Variants in ZNF385D observed in about 807,000 individuals in gnomAD.
The protein encoded by ZNF385D is zinc finger protein 659.
ZNF385D carries 15 observed loss-of-function variants against 35.8 expected under a neutral mutation model. The ratio of observed to expected loss-of-function variants is 0.42; its 90% CI spans 0.28 to 0.64. The LOEUF is 0.64. Among genes scored for constraint, ZNF385D ranks in the 30% least tolerant of loss-of-function variants. The pLI is 0.23. For missense variants in ZNF385D, 474 were observed against 494.6 expected (o/e 0.96, Z 0.39); for synonymous variants, 212 against 186.8 (o/e 1.13, Z -1.10).
chr3:22,152,856 T>C (rs1450493785), intron 3 of ZNF385D, among the ~76,000 whole-genome samples: 1 of 152,122 alleles, frequency 6.6e-6, no homozygotes, highest in African/African-American at 2.4e-5. Flanking sequence ...CTTCTACTTA[T>C]AAGGGTCCCT....
rs2065370431 is a variant in ZNF385D, at chr3:21,634,423, T to C, written c.165+30463A>G. On this transcript the variant is annotated intron_variant, in intron 2 of 7. Transcript: ENST00000281523. ...AGAAAGGGAAAGGGAACAATGGCTTTTCTTTTTCATAATAAAAATAAGCCA... is the reference window on the plus strand; with the variant it reads ...AGAAAGGGAAAGGGAACAATGGCTTCTCTTTTTCATAATAAAAATAAGCCA... 3.3e-5 allele frequency among the ~76,000 whole-genome samples: 5 copies of C among 151,986 alleles called. No individual in the cohort carries two copies. The South Asian group carries it at 8.3e-4, about 25-fold the overall frequency.
intron 2 of ZNF385D, among the ~76,000 whole-genome samples, chr3:22,288,513 T>G (rs1035078376): frequency 6.6e-6 from 1 of 152,104 alleles, no homozygotes; most frequent in Non-Finnish European, 1.5e-5. Flanking sequence ...GCTTAATCCA[T>G]CCTGCATTAG....
intron 3 of ZNF385D, among the ~76,000 whole-genome samples, chr3:22,117,053 A>G (rs550145734): frequency 1.3e-5 from 2 of 152,116 alleles, no homozygotes; most frequent in South Asian, 2.1e-4. Context: ...AGAGGCATGG[A>G]AAGAATTCAA....
chr3:21,679,153 G>A (rs1310710054), intron 1 of ZNF385D, among the ~76,000 whole-genome samples: 1 of 152,000 alleles, frequency 6.6e-6, no homozygotes, highest in Non-Finnish European at 1.5e-5. Flanking sequence ...GAAATTAACA[G>A]CTATTTCGGT....
rs1694893914 is a variant in ZNF385D at position 21,830,115 on chromosome 3, C to T, written c.326-165087G>A. ...TTCCAGCCTGGGTGACAGAGTGACA[C>T]TCTGTCAAAAAAAATAAAAGAGGCA... On this transcript the variant is annotated intron_variant, in intron 3 of 5. Transcript: ENST00000494108. 1.4e-5 allele frequency among the ~76,000 whole-genome samples: 2 copies of T among 139,480 alleles called. 1 individual carries two copies. The highest frequency in any genetic ancestry group is 3.2e-5 in the Non-Finnish European group (2 of 62,990). 91.5% of individuals were successfully genotyped at this position (139,480 alleles called of 152,430 possible). A position where few individuals can be genotyped will look rare whatever the true frequency, so the allele number is the denominator to read the frequency against.
rs192940592 is a variant in ZNF385D at position 21,876,400 on chromosome 3, C to T, written c.326-211372G>A. Among the ~76,000 whole-genome samples the T allele has an allele frequency of 4.4e-3, 658 of 150,580 alleles. 2 individuals are homozygous for T. The highest frequency in any genetic ancestry group is 7.2e-3 in the Non-Finnish European group (487 of 67,684). On this transcript the variant is annotated intron_variant, in intron 3 of 5. Coordinates refer to the ZNF385D transcript ENST00000494108. Reference sequence around the variant, plus strand: ...GGGATCACTAGAGAGCCACTGACTGCCTGTGAGTTTTATCTGTTAACACAA... The same window carrying T: ...GGGATCACTAGAGAGCCACTGACTGTCTGTGAGTTTTATCTGTTAACACAA...
At chr3:21,590,366 A>C (rs2063938205) in intron 2 of ZNF385D, among the ~76,000 whole-genome samples, 1 of 152,210 alleles carries the variant, frequency 6.6e-6, no homozygotes, top group Non-Finnish European at 1.5e-5. Context: ...TTATTTTAAA[A>C]GTGAAAGATA....
At chr3:21,872,233 G>A (rs182133762) in intron 3 of ZNF385D, among the ~76,000 whole-genome samples, 18 of 152,156 alleles carry the variant, frequency 1.2e-4, no homozygotes, top group Admixed American at 2.0e-4. Flanking sequence ...TATATGTGGC[G>A]ACAACTGCCT....
intron 3 of ZNF385D, among the ~76,000 whole-genome samples, chr3:22,015,254 G>A (rs1417893721): frequency 6.6e-6 from 1 of 152,100 alleles, no homozygotes; most frequent in Admixed American, 6.6e-5. Flanking sequence ...AATTTATAAT[G>A]CCTTAATTAG....
intron 4 of ZNF385D, among the ~76,000 whole-genome samples, chr3:21,445,458 C>A (rs3860573): frequency 0.27 from 41,738 of 152,088 alleles, 6,437 homozygotes; most frequent in East Asian, 0.42. Context: ...GGTAAATTGC[C>A]CTCTTTCTTT....
At chr3:21,824,578 A>T (rs574028949) in intron 3 of ZNF385D, among the ~76,000 whole-genome samples, 1 of 152,116 alleles carries the variant, frequency 6.6e-6, no homozygotes, top group Non-Finnish European at 1.5e-5. Context: ...AAAACTTCAT[A>T]TATCTAGTTT....
intron 3 of ZNF385D, among the ~76,000 whole-genome samples, chr3:22,071,079 T>G (rs1468660160): frequency 6.6e-6 from 1 of 152,158 alleles, no homozygotes; most frequent in African/African-American, 2.4e-5. Context: ...AAAGGTAACA[T>G]GATATTTATG....
chr3:21,570,635 G>A (rs144370544), intron 2 of ZNF385D, among the ~76,000 whole-genome samples: 1 of 152,130 alleles, frequency 6.6e-6, no homozygotes, highest in African/African-American at 2.4e-5. Context: ...ACACTTACAG[G>A]CACTTTCTGT....
chr3:21,714,498 T>G (rs1394467585), intron 1 of ZNF385D, among the ~76,000 whole-genome samples: 2 of 152,136 alleles, frequency 1.3e-5, no homozygotes, highest in African/African-American at 2.4e-5. Context: ...ACTCCCACTT[T>G]TTATGGATGA....
At chr3:22,185,689 A>T (rs1695582869) in intron 2 of ZNF385D, among the ~76,000 whole-genome samples, 1 of 152,126 alleles carries the variant, frequency 6.6e-6, no homozygotes, top group East Asian at 1.9e-4. Flanking sequence ...GCTGGTCTTG[A>T]ACTCCTAACG....
In ZNF385D at chr3:22,086,440, C is replaced by T. The variant is rs1227715409; in HGVS notation, c.325+82377G>A. Among the ~76,000 whole-genome samples, 12 of 152,192 alleles carry T rather than the reference C, an allele frequency of 7.9e-5. No individual in the cohort carries two copies. In the East Asian group the frequency reaches 2.3e-3, roughly 29 times the overall value. On this transcript the variant is annotated intron_variant, in intron 3 of 5. Transcript: ENST00000494108. The stretch of plus-strand genomic sequence containing the variant: ...AGAGAGCCAAATCATGAGTGAACTC[C>T]CATTCACAATTGCTTCAAAGAGAAT...
chr3:21,833,139 C>T (rs1339232013), intron 3 of ZNF385D, among the ~76,000 whole-genome samples: 1 of 152,040 alleles, frequency 6.6e-6, no homozygotes, highest in Admixed American at 6.5e-5. Flanking sequence ...GTGTTGGGTA[C>T]TAGGAACACT....
At chr3:21,640,754 GCTGA>G (rs567374451) in intron 2 of ZNF385D, among the ~76,000 whole-genome samples, 5 of 152,140 alleles carry the variant, frequency 3.3e-5, no homozygotes, top group Admixed American at 2.6e-4. Flanking sequence ...AGAAGCCAGA[GCTGA>G]CTAAGACTAT....
chr3:21,733,352 G>A (rs140885492), intron 1 of ZNF385D, among the ~76,000 whole-genome samples: 230 of 152,156 alleles, frequency 1.5e-3, no homozygotes, highest in Middle Eastern at 0.01. Context: ...TCAATATTAT[G>A]TTGGCTCTCT....
Sources: allele counts gnomAD v4.1 joint callset (sites outside exome capture counted in the v4.1 genomes callset), GRCh38; gene constraint gnomAD v4.1.1; transcripts MANE v1.5; gene names NCBI Gene and HGNC (gene_info 2026-07-23, HGNC 2026-07-21).